Variants in EXOC6B observed in about 807,000 individuals in gnomAD.
The protein encoded by EXOC6B is SEC15 homolog B.
EXOC6B carries 54 observed loss-of-function variants against 113.5 expected under a neutral mutation model. The observed-to-expected ratio is 0.48, with a 90% CI of 0.38 to 0.60. The LOEUF is 0.60. Ranked by LOEUF, EXOC6B falls within the 20% of genes least tolerant of loss-of-function variation. EXOC6B has a pLI of 0.00. For synonymous variants in EXOC6B, 357 were observed against 339.0 expected (o/e 1.05, Z -0.58); for missense variants, 797 against 977.5 (o/e 0.82, Z 2.46).
chr2:72,519,934 A>G (rs1454712192), intron 8 of EXOC6B, among the ~76,000 whole-genome samples: 3 of 152,216 alleles, frequency 2.0e-5, no homozygotes, highest in African/African-American at 7.2e-5. Context: ...TCCAAAGGAC[A>G]TGGGCCATGA....
intron 18 of EXOC6B, among the ~76,000 whole-genome samples, chr2:72,439,686 T>C (rs1696080333): frequency 1.3e-5 from 2 of 152,200 alleles, no homozygotes; most frequent in South Asian, 4.1e-4. Context: ...TCAGTGAAGT[T>C]CGTTTTTATC....
intron 6 of EXOC6B, among the ~76,000 whole-genome samples, chr2:72,582,243 T>G (rs1438425451): frequency 2.6e-5 from 4 of 152,084 alleles, no homozygotes; most frequent in Admixed American, 2.6e-4. Context: ...AGCAGTGGCT[T>G]ATGCCTGGCT....
chr2:72,508,134 A>G (rs1348812087), intron 11 of EXOC6B, among the ~76,000 whole-genome samples: 1 of 140,794 alleles, frequency 7.1e-6, no homozygotes, highest in African/African-American at 2.9e-5. Context: ...TGATGGGGGA[A>G]AAAAAAACCT....
intron 6 of EXOC6B, among the ~76,000 whole-genome samples, chr2:72,595,909 T>A (rs1670054379): frequency 6.6e-6 from 1 of 152,088 alleles, no homozygotes; most frequent in Non-Finnish European, 1.5e-5. Flanking sequence ...CCAAAAGAAA[T>A]AATCAATACC....
At chr2:72,242,393 A>G (rs1198139810) in intron 20 of EXOC6B, among the ~76,000 whole-genome samples, 3 of 152,200 alleles carry the variant, frequency 2.0e-5, no homozygotes, top group African/African-American at 7.2e-5. Flanking sequence ...GTTATAATGT[A>G]TTTGCACTCA....
At chr2:72,808,336 G>A (rs1472046087) in intron 1 of EXOC6B, among the ~76,000 whole-genome samples, 2 of 152,176 alleles carry the variant, frequency 1.3e-5, no homozygotes, top group South Asian at 2.1e-4. Flanking sequence ...ATGATGTAAA[G>A]AGATATAAAG....
Position 72,226,780 on chromosome 2 carries a change from A to G in EXOC6B, c.2197-42593T>C, listed in dbSNP as rs562024202. Among the ~76,000 whole-genome samples the G allele has an allele frequency of 6.6e-5, 10 of 152,352 alleles. No individual in the cohort carries two copies. The South Asian group carries it at 1.7e-3, about 25-fold the overall frequency. On this transcript the variant is annotated intron_variant, in intron 20 of 21. Transcript: ENST00000272427. ...GACTAACTTCGCTCATTAAGTCAGT[A>G]GACCTGGCACATCAGTGAATTGGTT...
At chr2:72,611,631 T>C (rs1007942409) in intron 6 of EXOC6B, among the ~76,000 whole-genome samples, 2 of 152,098 alleles carry the variant, frequency 1.3e-5, no homozygotes, top group African/African-American at 4.8e-5. Flanking sequence ...GAGGAGGATA[T>C]AGGAACACTT....
chr2:72,299,997 G>C (rs1392959964), intron 20 of EXOC6B, among the ~76,000 whole-genome samples: 2 of 152,182 alleles, frequency 1.3e-5, no homozygotes, highest in African/African-American at 4.8e-5. Context: ...GATACATGGG[G>C]GTCAGGGACC....
chr2:72,551,279 C>T (rs1020173673), intron 8 of EXOC6B, among the ~76,000 whole-genome samples: 1 of 143,684 alleles, frequency 7.0e-6, no homozygotes, highest in African/African-American at 2.6e-5. Context: ...CTCACTGCAA[C>T]CTCCGCATCC....
intron 6 of EXOC6B, among the ~76,000 whole-genome samples, chr2:72,644,717 C>T (rs1447763031): frequency 6.6e-6 from 1 of 152,128 alleles, no homozygotes; most frequent in African/African-American, 2.4e-5. Flanking sequence ...GAAATAAAAT[C>T]CTTTACAGAC....
At chr2:72,507,062 C>T (rs991357843) in intron 11 of EXOC6B, among the ~76,000 whole-genome samples, 22 of 152,094 alleles carry the variant, frequency 1.4e-4, no homozygotes, top group Admixed American at 2.0e-4. Context: ...CATATTAATA[C>T]ATGAAATATT....
chr2:72,635,821 T>C (rs1356824035), intron 6 of EXOC6B, among the ~76,000 whole-genome samples: 1 of 152,164 alleles, frequency 6.6e-6, no homozygotes, highest in Non-Finnish European at 1.5e-5. Context: ...GTAAACAGAA[T>C]TCAGCAATTT....
chr2:72,401,526 T>TATATATATATATATATATACATATATAC (rs1693191984), intron 18 of EXOC6B, among the ~76,000 whole-genome samples: 27 of 3,974 alleles, frequency 6.8e-3, no homozygotes, highest in Non-Finnish European at 0.011. Context: ...CATATATACA[T>TATATATATATATATATATACATATATAC]ATATATATAT....
At chr2:72,331,318 G>GA in intron 20 of EXOC6B, among the ~76,000 whole-genome samples, 1 of 152,064 alleles carries the variant, frequency 6.6e-6, no homozygotes, top group Non-Finnish European at 1.5e-5. Context: ...AAACTGAAAT[G>GA]AAAATCAAAT....
At chr2:72,343,968 A>C (rs1689173551) in intron 19 of EXOC6B, among the ~76,000 whole-genome samples, 1 of 152,120 alleles carries the variant, frequency 6.6e-6, no homozygotes, top group African/African-American at 2.4e-5. Flanking sequence ...GTTTATATTC[A>C]TATCTTTCAG....
At chr2:72,675,743 A>C (rs1676251271) in intron 6 of EXOC6B, among the ~76,000 whole-genome samples, 4 of 152,044 alleles carry the variant, frequency 2.6e-5, no homozygotes, top group Admixed American at 2.6e-4. Flanking sequence ...GCAGTGAGCC[A>C]AGATCACACC....
chr2:72,424,203 C>G (rs184653165), intron 18 of EXOC6B, among the ~76,000 whole-genome samples: 1 of 152,110 alleles, frequency 6.6e-6, no homozygotes, highest in Admixed American at 6.5e-5. Flanking sequence ...CAAAATTCAT[C>G]TGTGAAGCCA....
intron 20 of EXOC6B, among the ~76,000 whole-genome samples, chr2:72,242,916 G>T (rs546001026): frequency 1.3e-5 from 2 of 152,050 alleles, no homozygotes; most frequent in South Asian, 4.2e-4. Flanking sequence ...AATTTTTTTT[G>T]TAGAGATGGG....
Sources: gnomAD v4.1 joint callset for allele counts (sites outside exome capture counted in the v4.1 genomes callset) on GRCh38, gnomAD v4.1.1 for gene constraint, MANE v1.5 for transcripts, NCBI Gene and HGNC (gene_info 2026-07-23, HGNC 2026-07-21) for gene names.